Variants in SLC16A9 observed in about 807,000 individuals in gnomAD.
SLC16A9 encodes the protein solute carrier family 16 member 9.
SLC16A9 carries 26 observed loss-of-function variants against 44.3 expected under a neutral mutation model. The observed-to-expected ratio is 0.59, with a 90% CI of 0.43 to 0.81. SLC16A9 has a LOEUF of 0.81. SLC16A9 is among the 40% of genes least tolerant of loss of function. The probability of loss-of-function intolerance (pLI) is 0.00; values close to 1 mark genes in which losing one functional copy is unlikely to be tolerated. For missense variants in SLC16A9, 559 were observed against 595.8 expected (o/e 0.94, Z 0.64); for synonymous variants, 230 against 225.1 (o/e 1.02, Z -0.19).
intron 2 of SLC16A9, among the ~76,000 whole-genome samples, chr10:59,676,944 A>G (rs1839872694): frequency 6.7e-6 from 1 of 150,322 alleles, no homozygotes; most frequent in Admixed American, 6.6e-5. Context: ...AAAAAAAAGT[A>G]ATAACCATCT....
intron 3 of SLC16A9, among the ~76,000 whole-genome samples, chr10:59,671,834 T>TTC (rs1336691889): frequency 1.3e-5 from 2 of 152,330 alleles, no homozygotes; most frequent in Non-Finnish European, 2.9e-5. Context: ...ATATTTTTAC[T>TTC]TCTCTGAGCT....
intron 1 of SLC16A9, among the ~76,000 whole-genome samples, chr10:59,695,572 C>G (rs1840353433): frequency 6.6e-6 from 1 of 152,176 alleles, no homozygotes; most frequent in Admixed American, 6.5e-5. Flanking sequence ...CAATGGCCCT[C>G]CTTGCCACCC....
intron 1 of SLC16A9, among the ~76,000 whole-genome samples, chr10:59,697,670 A>G (rs2132535382): frequency 6.7e-6 from 1 of 149,880 alleles, no homozygotes; most frequent in Admixed American, 6.6e-5. Flanking sequence ...CCTTCCCTCC[A>G]CTATTGTCCT....
At chr10:59,703,274 A>C (rs550318979) in intron 1 of SLC16A9, among the ~76,000 whole-genome samples, 23 of 152,334 alleles carry the variant, frequency 1.5e-4, no homozygotes, top group African/African-American at 5.5e-4. Flanking sequence ...GGCAGGTGCC[A>C]CTATGACCGC....
At chr10:59,684,413 G>C in intron 1 of SLC16A9, 86 bp from the exon 2 acceptor site, 3 of 405,208 alleles carry the variant, frequency 7.4e-6, no homozygotes. Context: ...CTCCTAAAGT[G>C]AAAAAAAAAA....
rs60999182 is a variant in SLC16A9 at position 59,681,647 on chromosome 10, G to A, written c.196+2449C>T. 8.2e-3 allele frequency among the ~76,000 whole-genome samples: 80 copies of A among 9,704 alleles called. 22 individuals carry two copies. The highest frequency in any genetic ancestry group is 0.016 in the African/African-American group (75 of 4,768). 6.4% of individuals were successfully genotyped at this position (9,704 alleles called of 152,430 possible). A position where few individuals can be genotyped will look rare whatever the true frequency, so the allele number is the denominator to read the frequency against. On this transcript the variant is annotated intron_variant, in intron 2 of 5. Coordinates refer to ENST00000395348, the MANE Select transcript of SLC16A9 (RefSeq NM_194298.3). ...ATGATGTATATGTATATGTGTATGTGTATGTATATGTATATGATGTATATG... is the reference window on the plus strand; with the variant it reads ...ATGATGTATATGTATATGTGTATGTATATGTATATGTATATGATGTATATG...
At chr10:59,654,780 G>A (rs1241104497) in intron 4 of SLC16A9, among the ~76,000 whole-genome samples, 191 bp from the exon 5 acceptor site, 3 of 152,146 alleles carry the variant, frequency 2.0e-5, no homozygotes, top group Admixed American at 6.5e-5. Context: ...TTAAGAATTA[G>A]AATTTGCAGC....
intron 3 of SLC16A9, among the ~76,000 whole-genome samples, chr10:59,668,494 C>A (rs1208730020): frequency 6.6e-6 from 1 of 152,186 alleles, no homozygotes; most frequent in African/African-American, 2.4e-5. Context: ...CATACATTGG[C>A]TTCCTTTCAT....
rs1201493592 is a variant in SLC16A9, at chr10:59,697,991, CA to C, written c.-37+11487del. Among the ~76,000 whole-genome samples the C allele has an allele frequency of 5.9e-4, 85 of 143,620 alleles. 1 individual carries two copies. Among genetic ancestry groups the C allele is most frequent in the Admixed American group, 5.9e-3 (85 of 14,512 alleles). 94.2% of individuals were successfully genotyped at this position (143,620 alleles called of 152,430 possible). The stretch of plus-strand genomic sequence containing the variant: ...AAAAAAAACAAAAAACAAAACAAAA[CA>C]AAAAACCCTCAATAAATGTTAGCTA... On this transcript the variant is annotated intron_variant, in intron 1 of 5. Transcript: ENST00000395348.
At chr10:59,686,140 G>A (rs1475361339) in intron 1 of SLC16A9, among the ~76,000 whole-genome samples, 1 of 151,966 alleles carries the variant, frequency 6.6e-6, no homozygotes, top group Non-Finnish European at 1.5e-5. Context: ...AGGTGTATAT[G>A]GATATTCTAT....
Position 59,668,877 on chromosome 10 carries a change from A to AG in SLC16A9, c.340+3892dup, listed in dbSNP as rs34386840. The stretch of plus-strand genomic sequence containing the variant: ...TCTTCAATTATATAACAATTTTGAA[A>AG]GGGGGGGCTTATAAATCTCTATTTC... On this transcript the variant is annotated intron_variant, in intron 3 of 5. Transcript: ENST00000395348. Among the ~76,000 whole-genome samples the AG allele has an allele frequency of 5.1e-3, 772 of 152,194 alleles. 3 individuals carry two copies. The highest frequency in any genetic ancestry group is 6.8e-3 in the Non-Finnish European group (464 of 68,000).
intron 1 of SLC16A9, among the ~76,000 whole-genome samples, chr10:59,709,203 C>T (rs1840710827): frequency 6.6e-6 from 1 of 152,150 alleles, no homozygotes; most frequent in African/African-American, 2.4e-5. Context: ...GACCCCCTCC[C>T]TCTCTTTCAA....
At chr10:59,684,455 T>C in intron 1 of SLC16A9, 128 bp from the exon 2 acceptor site, 1 of 474,388 alleles carries the variant, frequency 2.1e-6, no homozygotes, top group African/African-American at 2.0e-5. Flanking sequence ...TGGAAAAGCA[T>C]AAAATATCAC....
chr10:59,655,719 T>C lies in SLC16A9; in HGVS notation c.437-1130A>G, dbSNP rs541308007. 4.2e-3 allele frequency among the ~76,000 whole-genome samples: 643 copies of C among 152,292 alleles called. 5 individuals are homozygous for C. Among genetic ancestry groups the C allele is most frequent in the African/African-American group, 0.015 (604 of 41,554 alleles). On this transcript the variant is annotated intron_variant, in intron 4 of 5. Transcript: ENST00000395348. ...GTTCTGATTTCAATCTTTAATAAAC[T>C]GAGCATTTTTAAATGTAAATGTCAT...
chr10:59,699,024 C>T lies in SLC16A9; in HGVS notation c.-37+10455G>A, dbSNP rs541935126. Reference sequence around the variant, plus strand: ...CTCCCGAAGTGCTGGGATTACAACACTTTGTCTCTTAAGCACTGCACAGTC... The same window carrying T: ...CTCCCGAAGTGCTGGGATTACAACATTTTGTCTCTTAAGCACTGCACAGTC... On this transcript the variant is annotated intron_variant, in intron 1 of 5. Transcript: ENST00000395348. Among the ~76,000 whole-genome samples, 4 of 152,242 alleles carry T rather than the reference C, an allele frequency of 2.6e-5. No homozygotes were observed. In the South Asian group the frequency reaches 8.3e-4, roughly 32 times the overall value.
intron 1 of SLC16A9, among the ~76,000 whole-genome samples, chr10:59,704,029 G>T (rs1432151206): frequency 2.6e-5 from 4 of 152,108 alleles, no homozygotes; most frequent in Non-Finnish European, 5.9e-5. Flanking sequence ...CCAAATTGCT[G>T]ATGTTTTAAC....
chr10:59,696,484 C>A (rs919551394), intron 1 of SLC16A9, among the ~76,000 whole-genome samples: 2 of 152,160 alleles, frequency 1.3e-5, no homozygotes, highest in Non-Finnish European at 2.9e-5. Flanking sequence ...CCTGCCTTGG[C>A]CCCCCAAAGT....
chr10:59,669,696 C>T (rs893888330), intron 3 of SLC16A9, among the ~76,000 whole-genome samples: 2 of 151,874 alleles, frequency 1.3e-5, no homozygotes, highest in South Asian at 2.1e-4. Context: ...ATGAGTCAAG[C>T]GTGGTGGCTT....
At chr10:59,702,993 G>C (rs1041952802) in intron 1 of SLC16A9, among the ~76,000 whole-genome samples, 1 of 152,136 alleles carries the variant, frequency 6.6e-6, no homozygotes, top group Non-Finnish European at 1.5e-5. Context: ...AACCAAAATT[G>C]ATTCTTTCAC....
Sources: allele counts gnomAD v4.1 joint callset (sites outside exome capture counted in the v4.1 genomes callset), GRCh38; gene constraint gnomAD v4.1.1; transcripts MANE v1.5; gene names NCBI Gene and HGNC (gene_info 2026-07-23, HGNC 2026-07-21).